The following ZFAND3 variants were observed in gnomAD, a reference collection of about 807,000 sequenced individuals.
ZFAND3 encodes zinc finger AN1-type containing 3.
In ZFAND3, 10 loss-of-function variants were observed where a neutral mutation model predicts 29.6. The observed-to-expected ratio is 0.34, with a 90% confidence interval of 0.21 to 0.57. ZFAND3 has a LOEUF of 0.57. ZFAND3 is among the 20% of genes least tolerant of loss of function. ZFAND3 has a pLI of 0.86. For synonymous variants in ZFAND3, 128 were observed against 112.6 expected, an observed-to-expected ratio of 1.14 and a Z score of -0.87; for missense variants, 230 against 304.5, an observed-to-expected ratio of 0.76 and a Z score of 1.82.
Position 38,054,621 on chromosome 6 carries a change from C to T in ZFAND3, c.113-6972C>T, listed in dbSNP as rs908239717. On this transcript the variant is annotated intron_variant, in intron 2 of 5. Transcript: ENST00000287218. ...TGGGTGAGAATCTGATAGGTAAAGG[C>T]GTTTTGCTTTTGCTTTTTAAAGAAG... Among the ~76,000 whole-genome samples the T allele has an allele frequency of 5.9e-5, 9 of 151,954 alleles. No individual in the cohort carries two copies. In the South Asian group the frequency reaches 6.2e-4, roughly 11 times the overall value.
At chr6:38,051,429 G>A (rs1000730896) in intron 2 of ZFAND3, among the ~76,000 whole-genome samples, 2 of 152,132 alleles carry the variant, frequency 1.3e-5, no homozygotes, top group Non-Finnish European at 2.9e-5. Context: ...AAAGCCTTAG[G>A]TCTGGGGTAA....
chr6:37,841,790 A>G (rs967283734), intron 1 of ZFAND3, among the ~76,000 whole-genome samples: 2 of 152,080 alleles, frequency 1.3e-5, no homozygotes, highest in African/African-American at 4.8e-5. Flanking sequence ...GCCTGTTTTT[A>G]AGTTTTGAAG....
At chr6:38,059,603 C>T (rs906131158) in intron 2 of ZFAND3, among the ~76,000 whole-genome samples, 4 of 152,136 alleles carry the variant, frequency 2.6e-5, no homozygotes, top group African/African-American at 4.8e-5. Flanking sequence ...AGGCCACAGG[C>T]GCTGTGGCTC....
intron 1 of ZFAND3, among the ~76,000 whole-genome samples, chr6:37,867,851 G>A (rs761653345): frequency 6.6e-6 from 1 of 152,076 alleles, no homozygotes; most frequent in Non-Finnish European, 1.5e-5. Flanking sequence ...AAGTACTTTG[G>A]GTGAAAGACT....
In ZFAND3 at chr6:37,943,709, CAT is replaced by C. The variant is rs145124919; in HGVS notation, c.112+13711_112+13712del. 2.9e-3 allele frequency among the ~76,000 whole-genome samples: 442 copies of C among 152,214 alleles called. 2 individuals carry two copies. Among genetic ancestry groups the C allele is most frequent in the African/African-American group, 9.8e-3 (407 of 41,540 alleles). On this transcript the variant is annotated intron_variant, in intron 2 of 5. Coordinates refer to ENST00000287218, the MANE Select transcript of ZFAND3 (RefSeq NM_021943.3). ...CTCTAGAAGTGCGAATCCCATTAATCATGTGATATTAGTAAATGATGATCATA... is the reference window on the plus strand; with the variant it reads ...CTCTAGAAGTGCGAATCCCATTAATCGTGATATTAGTAAATGATGATCATA...
intron 1 of ZFAND3, among the ~76,000 whole-genome samples, chr6:37,913,708 CTT>C (rs56045448): frequency 2.5e-4 from 28 of 113,008 alleles, no homozygotes; most frequent in South Asian, 5.5e-4. Flanking sequence ...CAGCTATATT[CTT>C]TTTTTTTTTT....
intron 2 of ZFAND3, among the ~76,000 whole-genome samples, chr6:37,962,627 G>C (rs562926326): frequency 1.3e-5 from 2 of 151,912 alleles, no homozygotes; most frequent in African/African-American, 4.8e-5. Flanking sequence ...CTGTAAAAAC[G>C]CACCAATCAG....
At chr6:37,870,319 A>AAAG (rs1561917162) in intron 1 of ZFAND3, among the ~76,000 whole-genome samples, 1 of 145,434 alleles carries the variant, frequency 6.9e-6, no homozygotes, top group African/African-American at 2.5e-5. Flanking sequence ...AAAAAAAAAA[A>AAAG]GGGCGGGCAC....
intron 1 of ZFAND3, among the ~76,000 whole-genome samples, chr6:37,849,689 C>T (rs1410808273): frequency 2.6e-5 from 4 of 152,254 alleles, no homozygotes; most frequent in East Asian, 1.9e-4. Context: ...GGATTACAGG[C>T]GTGAGCCACA....
At chr6:38,093,623 G>A (rs1764915804) in intron 4 of ZFAND3, among the ~76,000 whole-genome samples, 1 of 152,150 alleles carries the variant, frequency 6.6e-6, no homozygotes, top group Non-Finnish European at 1.5e-5. Flanking sequence ...AGATGCATGA[G>A]AAGAGGGATC....
At chr6:37,955,997 G>A (rs887192425) in intron 2 of ZFAND3, among the ~76,000 whole-genome samples, 1 of 152,096 alleles carries the variant, frequency 6.6e-6, no homozygotes, top group African/African-American at 2.4e-5. Context: ...CGGGGTGGAG[G>A]GTTGTTGATG....
At chr6:37,985,536 C>T (rs975314810) in intron 2 of ZFAND3, among the ~76,000 whole-genome samples, 2 of 151,474 alleles carry the variant, frequency 1.3e-5, no homozygotes, top group Admixed American at 1.3e-4. Flanking sequence ...CACCCCCACA[C>T]ACGCCTGGTG....
chr6:38,025,885 G>A (rs1208318893), intron 2 of ZFAND3, among the ~76,000 whole-genome samples: 7 of 152,142 alleles, frequency 4.6e-5, no homozygotes, highest in African/African-American at 9.7e-5. Flanking sequence ...CTGGAAAGTC[G>A]GAAGGGAATG....
intron 2 of ZFAND3, among the ~76,000 whole-genome samples, chr6:38,037,450 A>G (rs983277504): frequency 3.3e-5 from 5 of 152,180 alleles, no homozygotes; most frequent in Non-Finnish European, 5.9e-5. Context: ...ATAATCACCA[A>G]TCCGTCACCA....
intron 1 of ZFAND3, among the ~76,000 whole-genome samples, chr6:37,869,829 A>T (rs932716231): frequency 8.5e-5 from 12 of 141,578 alleles, no homozygotes; most frequent in African/African-American, 3.2e-4. Flanking sequence ...TGTTAATCTT[A>T]AAAAAAAAAA....
At chr6:37,820,045 G>A (rs111579710) in intron 1 of ZFAND3, 29 bp downstream of exon 1, 5 of 1,209,006 alleles carry the variant, frequency 4.1e-6, no homozygotes, top group African/African-American at 3.2e-5. Context: ...GGGGGCGGGG[G>A]GCGGGGGCCG....
At chr6:37,885,261 A>G (rs1581733921) in intron 1 of ZFAND3, among the ~76,000 whole-genome samples, 1 of 152,356 alleles carries the variant, frequency 6.6e-6, no homozygotes, top group East Asian at 1.9e-4. Context: ...ATAAAGAGCA[A>G]TGAAAAGAAT....
Position 38,154,170 on chromosome 6 carries a change from A to C in ZFAND3, c.*1781A>C, listed in dbSNP as rs1766297087. 1.0e-6 allele frequency: 1 copy of C among 985,490 alleles called. No homozygotes were observed. Among genetic ancestry groups the C allele is most frequent in the African/African-American group, 1.7e-5 (1 of 57,254 alleles). The allele number at this position is 985,490 out of a possible 1,614,324, so 61.0% of individuals were successfully genotyped here. On this transcript the variant is annotated 3_prime_UTR_variant, in exon 6 of 6. Transcript: ENST00000287218. Reference sequence around the variant, plus strand: ...TGCTGTCAAGCCACAGCCCTTGGCCACCATACGGGCCATCCTCAGTGAGGC... The same window carrying C: ...TGCTGTCAAGCCACAGCCCTTGGCCCCCATACGGGCCATCCTCAGTGAGGC...
In ZFAND3 at chr6:38,154,457, T is replaced by G; in HGVS notation, c.*2068T>G. On this transcript the variant is annotated 3_prime_UTR_variant, in exon 6 of 6. Transcript: ENST00000287218. ...AATGTAAGGAAAGCTTAAATTCTTG[T>G]ATCTTTAAAAGAGAAAATCTTATTT... 1.3e-5 allele frequency: 13 copies of G among 985,806 alleles called. No individual in the cohort carries two copies. The highest frequency in any genetic ancestry group is 1.6e-5 in the Non-Finnish European group (13 of 829,834). 61.1% of individuals were successfully genotyped at this position (985,806 alleles called of 1,614,324 possible).
Sources: gnomAD v4.1 joint callset for allele counts (sites outside exome capture counted in the v4.1 genomes callset) on GRCh38, gnomAD v4.1.1 for gene constraint, MANE v1.5 for transcripts, NCBI Gene and HGNC (gene_info 2026-07-23, HGNC 2026-07-21) for gene names.